Variants in PLXNA2 observed in about 807,000 individuals in gnomAD.
The protein encoded by PLXNA2 is plexin-A2.
Under a neutral mutation model 193.5 loss-of-function variants are expected in PLXNA2, and 91 were observed. That is an observed-to-expected ratio of 0.47 (90% CI 0.40 to 0.56). The LOEUF (loss-of-function observed/expected upper bound fraction) is 0.56, where lower values mean the gene tolerates loss of function less well. Among genes scored for constraint, PLXNA2 ranks in the 20% least tolerant of loss-of-function variants. PLXNA2 has a pLI of 0.00. For missense variants in PLXNA2, 1,995 were observed against 2,503.2 expected (o/e 0.80, Z 4.33); for synonymous variants, 997 against 1,027.3 (o/e 0.97, Z 0.56).
chr1:208,082,664 C>T lies in PLXNA2; in HGVS notation c.2299-156G>A, dbSNP rs1666385762. ...AGAGAATCCCACCCAAGCCTCCTAG[C>T]TTGGCATTCAGTGCCCTGCATAATC... On this transcript the variant is annotated intron_variant, in intron 10 of 31. Coordinates refer to ENST00000367033, the MANE Select transcript of PLXNA2 (RefSeq NM_025179.4). The surrounding 1 kb of genome is among the most constrained non-coding windows in gnomAD (Gnocchi z 4.2). 6.6e-6 allele frequency among the ~76,000 whole-genome samples: 1 copy of T among 152,206 alleles called. No individual in the cohort carries two copies. Among genetic ancestry groups the T allele is most frequent in the African/African-American group, 2.4e-5 (1 of 41,440 alleles).
intron 5 of PLXNA2, among the ~76,000 whole-genome samples, chr1:208,102,768 A>G (rs2102417406): frequency 6.6e-6 from 1 of 152,354 alleles, no homozygotes; most frequent in East Asian, 1.9e-4. Flanking sequence ...ATGCCAGTGC[A>G]CCACCATCTG....
chr1:208,139,910 C>A (rs947271900), intron 4 of PLXNA2, among the ~76,000 whole-genome samples: 1 of 152,172 alleles, frequency 6.6e-6, no homozygotes, highest in Non-Finnish European at 1.5e-5. Flanking sequence ...CAATTTACGG[C>A]TCTCCAGGTG....
At chr1:208,089,368 T>C (rs1666637455) in intron 9 of PLXNA2, among the ~76,000 whole-genome samples, 1 of 152,232 alleles carries the variant, frequency 6.6e-6, no homozygotes, top group African/African-American at 2.4e-5. Flanking sequence ...TGATTTTCTG[T>C]AGAAAACATA....
intron 6 of PLXNA2, among the ~76,000 whole-genome samples, chr1:208,097,478 G>T (rs961336833): frequency 5.3e-5 from 8 of 152,140 alleles, no homozygotes; most frequent in Non-Finnish European, 1.5e-5. Context: ...TGGACCAGTA[G>T]GTTCATAAGG....
chr1:208,103,333 C>T (rs1471877958), intron 4 of PLXNA2, 86 bp from the exon 5 acceptor site: 7 of 1,011,790 alleles, frequency 6.9e-6, no homozygotes, highest in Admixed American at 2.3e-5. Context: ...TGTACTCACA[C>T]TTGCACTGTC....
intron 2 of PLXNA2, among the ~76,000 whole-genome samples, chr1:208,213,873 TCTCCCAGTGC>T (rs1381569764): frequency 6.6e-6 from 1 of 152,204 alleles, no homozygotes; most frequent in Non-Finnish European, 1.5e-5. Context: ...CTGTCACCTC[TCTCCCAGTGC>T]CTTTGCTATC....
In PLXNA2 at chr1:208,122,270, A is replaced by G. The variant is rs146973841; in HGVS notation, c.1507-19023T>C. 5.5e-3 allele frequency among the ~76,000 whole-genome samples: 831 copies of G among 152,312 alleles called. 11 individuals are homozygous for G. Among genetic ancestry groups the G allele is most frequent in the African/African-American group, 0.019 (789 of 41,564 alleles). ...CATCAAATTACTTCTATTATAATTC[A>G]TCAATAAATAACCAGGCCCAGCCTC... On this transcript the variant is annotated intron_variant, in intron 4 of 31. Coordinates refer to ENST00000367033, the MANE Select transcript of PLXNA2 (RefSeq NM_025179.4).
Position 208,049,553 on chromosome 1 carries a change from A to C in PLXNA2, c.3255+1456T>G, listed in dbSNP as rs146705474. 5.5e-3 allele frequency among the ~76,000 whole-genome samples: 845 copies of C among 152,306 alleles called. 17 individuals are homozygous for C. The highest frequency in any genetic ancestry group is 0.018 in the African/African-American group (759 of 41,558). ...TGAAGGTGTGGTACAAGTGCTCCCC[A>C]ACATCTCCAGCAGGATGGTAATGTC... On this transcript the variant is annotated intron_variant, in intron 17 of 31. Coordinates refer to ENST00000367033, the MANE Select transcript of PLXNA2 (RefSeq NM_025179.4).
chr1:208,183,663 C>G (rs1329723856), intron 3 of PLXNA2, among the ~76,000 whole-genome samples: 1 of 152,128 alleles, frequency 6.6e-6, no homozygotes, highest in African/African-American at 2.4e-5. Context: ...GCTTATCTAC[C>G]CCTCAGTTTC....
At chr1:208,074,765 A>C (rs1351907074) in intron 12 of PLXNA2, among the ~76,000 whole-genome samples, 1 of 151,992 alleles carries the variant, frequency 6.6e-6, no homozygotes, top group Non-Finnish European at 1.5e-5. Flanking sequence ...AGATTCTGCC[A>C]CCCCCAACTG....
chr1:208,130,634 G>T (rs541605989), intron 4 of PLXNA2, among the ~76,000 whole-genome samples: 4 of 152,182 alleles, frequency 2.6e-5, no homozygotes, highest in Non-Finnish European at 5.9e-5. Context: ...TGAGGCTCCA[G>T]TTGACCTTGA....
intron 13 of PLXNA2, among the ~76,000 whole-genome samples, chr1:208,055,164 G>A (rs1478372705): frequency 6.6e-6 from 1 of 152,166 alleles, no homozygotes; most frequent in Non-Finnish European, 1.5e-5. Flanking sequence ...AGGTGACACT[G>A]GCCTCTCACT....
intron 4 of PLXNA2, among the ~76,000 whole-genome samples, chr1:208,122,671 A>G (rs1401371986): frequency 1.3e-5 from 2 of 152,158 alleles, no homozygotes; most frequent in Non-Finnish European, 2.9e-5. Context: ...AAATAAGGAA[A>G]AAAGGAGAAG....
In PLXNA2 at chr1:208,210,328, G is replaced by A. The variant is rs142684842; in HGVS notation, c.1323C>T (p.Asn441=). 1.1e-3 allele frequency: 1,710 copies of A among 1,613,934 alleles called. 4 individuals are homozygous for A. Among genetic ancestry groups the A allele is most frequent in the East Asian group, 2.6e-3 (115 of 44,834 alleles). The change falls in exon 3 of 32, where the codon AAC becomes AAT. Residue 441 remains asparagine, a synonymous_variant. Transcript: ENST00000367033. ...RMTSVASYVY[N]GYSVVFVGTK... is the part of the protein sequence containing the mutation. ...TCCCCACAAAAACCACGCTGTAGCC[G>A]TTGTAAACGTAGGAGGCCACAGAGG...
At position 208,038,625 on chromosome 1, in the gene PLXNA2, G is replaced by T. The variant is rs996564481; in HGVS notation, c.4661-151C>A. The T allele has an allele frequency of 1.3e-6, 1 of 784,870 alleles. No individual in the cohort carries two copies. The highest frequency in any genetic ancestry group is 2.1e-6 in the Non-Finnish European group (1 of 473,624). 48.6% of individuals were successfully genotyped at this position (784,870 alleles called of 1,614,324 possible). On this transcript the variant is annotated intron_variant, in intron 25 of 31. Transcript: ENST00000367033. The surrounding 1 kb of genome is among the most constrained non-coding windows in gnomAD (Gnocchi z 4.1). ...GGCTAGAGACATCTAGGGCTCCATG[G>T]GCCCAGGCAGCAGAGGAAACACGTA... is the stretch of plus-strand genomic sequence containing the variant.
At chr1:208,109,936 G>A (rs1050898281) in intron 4 of PLXNA2, among the ~76,000 whole-genome samples, 6 of 152,204 alleles carry the variant, frequency 3.9e-5, no homozygotes, top group Admixed American at 3.9e-4. Context: ...TGGGTGGGTG[G>A]AGTTTTTCTT....
chr1:208,041,746 A>G (rs1042843962), intron 22 of PLXNA2, among the ~76,000 whole-genome samples: 5 of 152,194 alleles, frequency 3.3e-5, no homozygotes, highest in Admixed American at 6.5e-5. Flanking sequence ...AGACTGTGAG[A>G]TAGGAATTAT....
At chr1:208,224,067 G>A (rs901217248) in intron 1 of PLXNA2, among the ~76,000 whole-genome samples, 12 of 152,334 alleles carry the variant, frequency 7.9e-5, no homozygotes, top group Middle Eastern at 3.4e-3. Context: ...GTACGTGCAA[G>A]CATTCTGAGC....
chr1:208,217,565 C>A lies in PLXNA2; in HGVS notation c.358G>T (p.Asp120Tyr). 6.2e-7 allele frequency: 1 copy of A among 1,614,142 alleles called. No individual in the cohort carries two copies. Among genetic ancestry groups the A allele is most frequent in the South Asian group, 1.1e-5 (1 of 91,066 alleles). ...GCCAGCAGGCGGTTCTCAGAGTAGT[C>A]AATGATGAGCAGCTTGTTGACATTG... ...TNNVNKLLIIDYSENRLLACG... is the reference protein window; with the variant it reads ...TNNVNKLLIIYYSENRLLACG... The change falls in exon 2 of 32, where the codon GAC (aspartate) becomes TAC (tyrosine). Residue 120 changes from aspartate to tyrosine, a missense_variant. Asp to Tyr is a radical substitution (Grantham distance 160, BLOSUM62 -3). This residue lies in a region of PLXNA2 where 702 missense variants were observed against 812.9 expected (regional missense o/e 0.86). Transcript: ENST00000367033. The surrounding 1 kb of genome is among the most constrained non-coding windows in gnomAD (Gnocchi z 4.7).
Sources: allele counts gnomAD v4.1 joint callset (sites outside exome capture counted in the v4.1 genomes callset), GRCh38; gene constraint gnomAD v4.1.1; regional missense constraint gnomAD v4.1.1; non-coding constraint Gnocchi (gnomAD v3.1); transcripts MANE v1.5; gene names NCBI Gene and HGNC (gene_info 2026-07-23, HGNC 2026-07-21).